SPEG: variants seen among roughly 807,000 people sequenced by gnomAD.
SPEG encodes striated muscle preferentially expressed protein kinase.
In SPEG, 114 loss-of-function variants were observed where a neutral mutation model predicts 300.4. That is an observed-to-expected ratio of 0.38 (90% confidence interval 0.33 to 0.44). The LOEUF (loss-of-function observed/expected upper bound fraction) is 0.44, where lower values mean the gene tolerates loss of function less well. Ranked by LOEUF, SPEG falls within the 20% of genes least tolerant of loss-of-function variation. The pLI is 1.00. For missense variants in SPEG, 4,201 were observed against 4,586.2 expected (o/e 0.92, Z 2.43); for synonymous variants, 1,964 against 2,018.9 (o/e 0.97, Z 0.73).
chr2:219,486,725 G>A (rs1360948610), intron 31 of SPEG, among the ~76,000 whole-genome samples: 4 of 152,160 alleles, frequency 2.6e-5, no homozygotes, highest in African/African-American at 9.7e-5. Flanking sequence ...AACCAGGGCT[G>A]GCACCTAGGA....
At chr2:219,467,101 G>A (rs1446393211) in intron 9 of SPEG, 73 bp from the exon 10 acceptor site, 14 of 1,463,124 alleles carry the variant, frequency 9.6e-6, no homozygotes, top group South Asian at 5.3e-5. Context: ...CTCTCTGTGC[G>A]TGCGTATGTG....
Position 219,443,900 on chromosome 2 carries a change from C to A in SPEG, c.389-753C>A. 1 of 691,114 alleles carries A rather than the reference C, an allele frequency of 1.4e-6. No homozygotes were observed. The highest frequency in any genetic ancestry group is 2.3e-6 in the Non-Finnish European group (1 of 431,698). 42.8% of individuals were successfully genotyped at this position (691,114 alleles called of 1,614,324 possible). A position where few individuals can be genotyped will look rare whatever the true frequency, so the allele number is the denominator to read the frequency against. ...CAGGTATCTCCCTCCCCACCCATTGCCACAGGACACCTCTGGGGACTGGGT... is the reference window on the plus strand; with the variant it reads ...CAGGTATCTCCCTCCCCACCCATTGACACAGGACACCTCTGGGGACTGGGT... On this transcript the variant is annotated intron_variant, in intron 1 of 40. Transcript: ENST00000312358. The surrounding 1 kb of genome is among the most constrained non-coding windows in gnomAD (Gnocchi z 4.6).
At position 219,488,080 on chromosome 2, in the gene SPEG, A is replaced by G. The variant is rs536070544; in HGVS notation, c.7742-114A>G. On this transcript the variant is annotated intron_variant, in intron 31 of 40. Coordinates refer to ENST00000312358, the MANE Select transcript of SPEG (RefSeq NM_005876.5). ...ACTTTCCACATCTGCCTGGGAAGAG[A>G]CAAAGTTTCATGCTGCTTCCTGATG... 89 of 694,574 alleles carry G rather than the reference A, an allele frequency of 1.3e-4. No individual in the cohort carries two copies. The Admixed American group carries it at 1.8e-3, about 14-fold the overall frequency. The allele number at this position is 694,574 out of a possible 1,614,324, so 43.0% of individuals were successfully genotyped here.
In SPEG at chr2:219,492,235, C is replaced by A; in HGVS notation, c.9586C>A (p.Arg3196=). The A allele has an allele frequency of 6.2e-7, 1 of 1,613,590 alleles. No individual in the cohort carries two copies. The highest frequency in any genetic ancestry group is 8.5e-7 in the Non-Finnish European group (1 of 1,179,838). Residue 3196 remains arginine (R), a synonymous_variant, in exon 40 of 41, where the codon CGA becomes AGA. Coordinates refer to ENST00000312358, the MANE Select transcript of SPEG (RefSeq NM_005876.5). ...ATCCCAGAGCGCCACCCTCTTCTTG[C>A]GAAAGGTTCTCTCTGTACATCCCTG... ...NTSQSATLFL[R]KVLSVHPWSR... is the part of the protein sequence containing the mutation.
chr2:219,477,810 T>TG lies in SPEG; in HGVS notation c.4826+30dup. On this transcript the variant is annotated intron_variant, in intron 21 of 40. Coordinates refer to ENST00000312358, the MANE Select transcript of SPEG (RefSeq NM_005876.5). This position sits in a 1 kb window ranked among gnomAD's most constrained non-coding sequence, Gnocchi z 6.4. ...GGTGTGGGGCTAGGAGGGAAGCCAGTGGGGGCCGAGAGAGGCTGCTGGGTC... is the reference window on the plus strand; with the variant it reads ...GGTGTGGGGCTAGGAGGGAAGCCAGTGGGGGGCCGAGAGAGGCTGCTGGGTC... 3.8e-6 allele frequency: 6 copies of TG among 1,595,952 alleles called. No homozygotes were observed. The highest frequency in any genetic ancestry group is 4.3e-6 in the Non-Finnish European group (5 of 1,167,916).
In SPEG at chr2:219,443,408, G is replaced by A. The variant is rs1689066723; in HGVS notation, c.389-1245G>A. ...CCCTGTTCTCCATGTGAGGCCTAATGGGAAGGAGTTCATTGCCATGCTTTG... is the reference window on the plus strand; with the variant it reads ...CCCTGTTCTCCATGTGAGGCCTAATAGGAAGGAGTTCATTGCCATGCTTTG... On this transcript the variant is annotated intron_variant, in intron 1 of 40. Transcript: ENST00000312358. This position sits in a 1 kb window ranked among gnomAD's most constrained non-coding sequence, Gnocchi z 4.6. The A allele has an allele frequency of 1.8e-6, 1 of 541,606 alleles. No homozygotes were observed. Among genetic ancestry groups the A allele is most frequent in the African/African-American group, 1.9e-5 (1 of 52,370 alleles). 33.6% of individuals were successfully genotyped at this position (541,606 alleles called of 1,614,324 possible).
intron 1 of SPEG, among the ~76,000 whole-genome samples, chr2:219,436,043 G>T (rs1433934135): frequency 6.6e-6 from 1 of 152,216 alleles, no homozygotes; most frequent in Non-Finnish European, 1.5e-5. Flanking sequence ...GATTCTGTGT[G>T]GTGGTGCAAA....
rs1490910466 is a variant in SPEG, at chr2:219,492,875, G to A, written c.*89G>A. The A allele has an allele frequency of 2.2e-5, 29 of 1,347,342 alleles. No homozygotes were observed. In the Admixed American group the frequency reaches 4.9e-4, roughly 23 times the overall value. 83.5% of individuals were successfully genotyped at this position (1,347,342 alleles called of 1,614,324 possible). ...CCAGGGCCCACGCTGAGCCAGGCGG[G>A]CCTGGGGCTTCGGTTACCACCAGCA... On this transcript the variant is annotated 3_prime_UTR_variant, in exon 41 of 41. Transcript: ENST00000312358.
At position 219,435,085 on chromosome 2, in the gene SPEG, T is replaced by C. The variant is rs1051740195; in HGVS notation, c.108T>C (p.Pro36=). The C allele has an allele frequency of 2.3e-5, 33 of 1,466,272 alleles. No individual in the cohort carries two copies. The highest frequency in any genetic ancestry group is 2.9e-5 in the East Asian group (1 of 34,628). 90.8% of individuals were successfully genotyped at this position (1,466,272 alleles called of 1,614,324 possible). A position where few individuals can be genotyped will look rare whatever the true frequency, so the allele number is the denominator to read the frequency against. The change falls in exon 1 of 41, where the codon CCT becomes CCC. Residue 36 remains proline, a synonymous_variant. Transcript: ENST00000312358. ...RAKVGAGGGA[P]VAVAGAPVFL... ...AGGTGGGGGCCGGCGGCGGGGCTCC[T>C]GTGGCCGTGGCCGGGGCGCCAGTCT...
chr2:219,448,515 T>C lies in SPEG; in HGVS notation c.1357T>C (p.Ser453Pro), dbSNP rs1689490694. 1 of 1,449,250 alleles carries C rather than the reference T, an allele frequency of 6.9e-7. No individual in the cohort carries two copies. Among genetic ancestry groups the C allele is most frequent in the Non-Finnish European group, 9.0e-7 (1 of 1,110,482 alleles). The allele number at this position is 1,449,250 out of a possible 1,614,324, so 89.8% of individuals were successfully genotyped here. A position where few individuals can be genotyped will look rare whatever the true frequency, so the allele number is the denominator to read the frequency against. Residue 453 changes from serine to proline, a missense_variant, in exon 4 of 41, where the codon TCG (serine) becomes CCG (proline). Physicochemically the swap from Ser to Pro is moderately conservative, Grantham distance 74. Around this residue, in one of 4 missense-constraint regions of SPEG, gnomAD observed 1,258 missense variants for 1,293.9 expected, o/e 0.97. Coordinates refer to ENST00000312358, the MANE Select transcript of SPEG (RefSeq NM_005876.5). Reference protein sequence around the residue: ...RGAPWGTPGASQEELRAPGSV... With the variant: ...RGAPWGTPGAPQEELRAPGSV... ...CGCACCGTGGGGCACCCCCGGGGCC[T>C]CGCAGGAAGAACTGCGGGCGCCAGG...
chr2:219,463,771 T>C (rs1690980246), intron 8 of SPEG, among the ~76,000 whole-genome samples: 1 of 151,998 alleles, frequency 6.6e-6, no homozygotes, highest in South Asian at 2.1e-4. Context: ...GTGGGAAAGC[T>C]ATCTGTCCAT....
intron 1 of SPEG, among the ~76,000 whole-genome samples, chr2:219,440,073 C>T (rs1320277222): frequency 6.6e-6 from 1 of 152,204 alleles, no homozygotes; most frequent in African/African-American, 2.4e-5. Flanking sequence ...ATGTACAAGA[C>T]ATGACCTAAA....
Position 219,448,230 on chromosome 2 carries a change from T to A in SPEG, c.1072T>A (p.Ser358Thr). 3.7e-6 allele frequency: 6 copies of A among 1,612,288 alleles called. No homozygotes were observed. Among genetic ancestry groups the A allele is most frequent in the Non-Finnish European group, 5.1e-6 (6 of 1,179,600 alleles). ...CACCGAAGAGAAGCGAGGGAAGAAG[T>A]CCAAGTCGTCCGGGCCCTCCCTGGC... Reference protein sequence around the residue: ...TTTEEKRGKKSKSSGPSLAGT... With the variant: ...TTTEEKRGKKTKSSGPSLAGT... Residue 358 changes from serine to threonine, a missense_variant, in exon 4 of 41, where the codon TCC becomes ACC. Ser to Thr is a moderately conservative substitution (Grantham distance 58, BLOSUM62 1). Around this residue, in one of 4 missense-constraint regions of SPEG, gnomAD observed 1,258 missense variants for 1,293.9 expected, o/e 0.97. Coordinates refer to ENST00000312358, the MANE Select transcript of SPEG (RefSeq NM_005876.5).
rs1692587117 is a variant in SPEG at position 219,479,013 on chromosome 2, G to A, written c.5028-131G>A. 2.7e-6 allele frequency: 2 copies of A among 750,008 alleles called. No individual in the cohort carries two copies. The highest frequency in any genetic ancestry group is 4.6e-6 in the Non-Finnish European group (2 of 436,532). 46.5% of individuals were successfully genotyped at this position (750,008 alleles called of 1,614,324 possible). A position where few individuals can be genotyped will look rare whatever the true frequency, so the allele number is the denominator to read the frequency against. ...GGGGTACACGTGGAGGAGCGGAGAG[G>A]CAGTCTCTGGCTAGTATCAAGCATT... On this transcript the variant is annotated intron_variant, in intron 22 of 40. Coordinates refer to ENST00000312358, the MANE Select transcript of SPEG (RefSeq NM_005876.5). The surrounding 1 kb of genome is among the most constrained non-coding windows in gnomAD (Gnocchi z 5.5).
In SPEG at chr2:219,493,112, G is replaced by C; in HGVS notation, c.*326G>C. ...AGGGGGAGGCTCTAGGAAGGTTCTG[G>C]GTTGGGGGTCAGTGCATCTCAGGGA... On this transcript the variant is annotated 3_prime_UTR_variant, in exon 41 of 41. Coordinates refer to ENST00000312358, the MANE Select transcript of SPEG (RefSeq NM_005876.5). 1.7e-6 allele frequency: 1 copy of C among 573,934 alleles called. No individual in the cohort carries two copies. Among genetic ancestry groups the C allele is most frequent in the Non-Finnish European group, 3.3e-6 (1 of 306,230 alleles). 35.6% of individuals were successfully genotyped at this position (573,934 alleles called of 1,614,324 possible). A position where few individuals can be genotyped will look rare whatever the true frequency, so the allele number is the denominator to read the frequency against.
Position 219,477,010 on chromosome 2 carries a change from G to T in SPEG, c.4560+28G>T. On this transcript the variant is annotated intron_variant, in intron 19 of 40. Transcript: ENST00000312358. This position sits in a 1 kb window ranked among gnomAD's most constrained non-coding sequence, Gnocchi z 6.4. ...CAGAGTGTGCTGCTGGCTGAGCCTG[G>T]GGGAGGGAGGAGGGGCTCCCTGGGG... 1 of 1,568,128 alleles carries T rather than the reference G, an allele frequency of 6.4e-7. No individual in the cohort carries two copies. The highest frequency in any genetic ancestry group is 8.7e-7 in the Non-Finnish European group (1 of 1,149,870).
chr2:219,484,159 C>T lies in SPEG; in HGVS notation c.6696C>T (p.Pro2232=), dbSNP rs745312329. The T allele has an allele frequency of 4.3e-6, 7 of 1,613,574 alleles. No individual in the cohort carries two copies. The African/African-American group carries it at 6.7e-5, about 15-fold the overall frequency. ...PVRASKPAPP[P]QALQTLALPL... is the part of the protein sequence containing the mutation. ...GAGCCTCCAAGCCTGCACCACCCCC[C>T]CAGGCCCTGCAAACCCTAGCGCTGC... Residue 2232 remains proline (P), a synonymous_variant, in exon 30 of 41, where the codon CCC becomes CCT. Coordinates refer to ENST00000312358, the MANE Select transcript of SPEG (RefSeq NM_005876.5).
Position 219,444,751 on chromosome 2 carries a change from C to A in SPEG, c.478+9C>A. 1 of 1,613,670 alleles carries A rather than the reference C, an allele frequency of 6.2e-7. No individual in the cohort carries two copies. The highest frequency in any genetic ancestry group is 8.5e-7 in the Non-Finnish European group (1 of 1,179,742). ...CTTCAGCACCCCCACGGGTGAGCTC[C>A]TGGGGTGTACAAAGAGCAGGCAGGC... On this transcript the variant is annotated intron_variant, in intron 2 of 40. Coordinates refer to ENST00000312358, the MANE Select transcript of SPEG (RefSeq NM_005876.5). The surrounding 1 kb of genome is among the most constrained non-coding windows in gnomAD (Gnocchi z 7.8).
At chr2:219,465,917 GTGTGTGCGCGCGTGTGCGTGC>G in intron 9 of SPEG, 1 of 706,288 alleles carries the variant, frequency 1.4e-6, no homozygotes, top group Non-Finnish European at 2.4e-6. Flanking sequence ...GCATGCGTGT[GTGTGTGCGCGCGTGTGCGTGC>G]ACGTGTGCGT....
Sources: gnomAD v4.1 joint callset for allele counts (sites outside exome capture counted in the v4.1 genomes callset) on GRCh38, gnomAD v4.1.1 for gene constraint, gnomAD v4.1.1 regional missense constraint, Gnocchi (gnomAD v3.1) non-coding constraint, MANE v1.5 for transcripts, NCBI Gene and HGNC (gene_info 2026-07-23, HGNC 2026-07-21) for gene names.